SCHIP1: variants seen among roughly 807,000 people sequenced by gnomAD.
The protein encoded by SCHIP1 is schwannomin-interacting protein 1.
A neutral mutation model predicts 29.7 loss-of-function variants in SCHIP1; 8 were observed. The ratio of observed to expected loss-of-function variants is 0.27; its 90% CI spans 0.16 to 0.49. SCHIP1 has a LOEUF of 0.49. Ranked by LOEUF, SCHIP1 falls within the 20% of genes least tolerant of loss-of-function variation. The pLI is 0.99. For synonymous variants in SCHIP1, 76 were observed against 94.9 expected, an observed-to-expected ratio of 0.80 and a Z score of 1.16; for missense variants, 193 against 294.6, an observed-to-expected ratio of 0.66 and a Z score of 2.52.
intron 2 of SCHIP1, among the ~76,000 whole-genome samples, chr3:159,883,138 A>G (rs778963344): frequency 6.6e-6 from 1 of 152,218 alleles, no homozygotes; most frequent in Non-Finnish European, 1.5e-5. Flanking sequence ...TCGACAGGCA[A>G]GGCTGACTTC....
chr3:159,799,602 G>A, the SCHIP1 span, among the ~76,000 whole-genome samples: 2 of 152,218 alleles, frequency 1.3e-5, no homozygotes, highest in Non-Finnish European at 2.9e-5. Context: ...GGGAATATGT[G>A]TAAGTGTGAT....
chr3:159,708,224 C>A, the SCHIP1 span, among the ~76,000 whole-genome samples: 1 of 152,144 alleles, frequency 6.6e-6, no homozygotes, highest in Non-Finnish European at 1.5e-5. Flanking sequence ...AACACAAAAC[C>A]TACACACTCA....
At chr3:159,495,784 C>G in the SCHIP1 span, among the ~76,000 whole-genome samples, 13 of 152,222 alleles carry the variant, frequency 8.5e-5, no homozygotes, top group East Asian at 1.2e-3. Flanking sequence ...AACCAAAAAA[C>G]AGCCCGCATC....
At chr3:159,680,713 A>AATATACATATATT in the SCHIP1 span, among the ~76,000 whole-genome samples, 512 of 79,694 alleles carry the variant, frequency 6.4e-3, 46 homozygotes, top group Middle Eastern at 0.011. Context: ...TATTATATAT[A>AATATACATATATT]ATATATGTAT....
the SCHIP1 span, among the ~76,000 whole-genome samples, chr3:159,516,698 C>T: frequency 2.0e-5 from 3 of 152,110 alleles, no homozygotes; most frequent in African/African-American, 7.2e-5. Flanking sequence ...TACAGTCTGA[C>T]ACGAATCTTT....
chr3:159,865,918 T>C (rs1345437987), intron 1 of SCHIP1, among the ~76,000 whole-genome samples: 2 of 152,146 alleles, frequency 1.3e-5, no homozygotes, highest in Non-Finnish European at 2.9e-5. Context: ...CTCGTGAAAA[T>C]CATTTAGCAC....
chr3:159,820,961 G>C, the SCHIP1 span, among the ~76,000 whole-genome samples: 1,014 of 152,334 alleles, frequency 6.7e-3, 15 homozygotes, highest in African/African-American at 0.023. Flanking sequence ...ACATGTGGCT[G>C]TTGAGCACTT....
chr3:159,701,514 A>G, the SCHIP1 span, among the ~76,000 whole-genome samples: 1 of 152,304 alleles, frequency 6.6e-6, no homozygotes, highest in Non-Finnish European at 1.5e-5. Flanking sequence ...GATGATCTTG[A>G]TTCTTTAATA....
At chr3:159,506,226 A>G in the SCHIP1 span, among the ~76,000 whole-genome samples, 1 of 152,156 alleles carries the variant, frequency 6.6e-6, no homozygotes, top group African/African-American at 2.4e-5. Flanking sequence ...GCCAGTGATG[A>G]TGAGCATTTT....
At chr3:159,685,878 A>G in the SCHIP1 span, among the ~76,000 whole-genome samples, 1 of 152,248 alleles carries the variant, frequency 6.6e-6, no homozygotes, top group Non-Finnish European at 1.5e-5. Context: ...TAAAACATCA[A>G]TATGCCAAAA....
At chr3:159,652,573 CAAGACAA>C in the SCHIP1 span, among the ~76,000 whole-genome samples, 248 of 152,114 alleles carry the variant, frequency 1.6e-3, 6 homozygotes, top group South Asian at 0.051. Context: ...GATATGTAAA[CAAGACAA>C]TTACAGCCAA....
chr3:159,565,983 A>G, the SCHIP1 span, among the ~76,000 whole-genome samples: 2 of 152,218 alleles, frequency 1.3e-5, no homozygotes, highest in Non-Finnish European at 2.9e-5. Flanking sequence ...TTTGCATTCA[A>G]TTTGGCTTGA....
At chr3:159,785,319 A>G in the SCHIP1 span, among the ~76,000 whole-genome samples, 1 of 152,250 alleles carries the variant, frequency 6.6e-6, no homozygotes, top group Non-Finnish European at 1.5e-5. Flanking sequence ...ATGCCATATC[A>G]GAACAGTTGT....
the SCHIP1 span, among the ~76,000 whole-genome samples, chr3:159,625,600 T>C: frequency 2.0e-5 from 3 of 152,284 alleles, no homozygotes; most frequent in African/African-American, 7.2e-5. Flanking sequence ...TTCACGTTAG[T>C]AGTTTGCAAT....
the SCHIP1 span, among the ~76,000 whole-genome samples, chr3:159,514,502 C>A: frequency 6.6e-6 from 1 of 152,196 alleles, no homozygotes; most frequent in Non-Finnish European, 1.5e-5. Context: ...ACCCGACTGT[C>A]CTACCATATT....
the SCHIP1 span, among the ~76,000 whole-genome samples, chr3:159,288,108 A>G: frequency 6.6e-6 from 1 of 152,136 alleles, no homozygotes; most frequent in East Asian, 1.9e-4. Context: ...TACATGAAGT[A>G]AAATTGTAGA....
At chr3:159,361,874 T>C in the SCHIP1 span, among the ~76,000 whole-genome samples, 1 of 152,280 alleles carries the variant, frequency 6.6e-6, no homozygotes, top group African/African-American at 2.4e-5. Context: ...TCCCATCAAA[T>C]GAAATAGAAA....
the SCHIP1 span, among the ~76,000 whole-genome samples, chr3:159,428,963 G>T: frequency 3.3e-5 from 5 of 150,452 alleles, no homozygotes; most frequent in South Asian, 2.1e-4. Flanking sequence ...GCCAAACACC[G>T]CATGTTCTCA....
the SCHIP1 span, among the ~76,000 whole-genome samples, chr3:159,761,528 T>A: frequency 6.6e-6 from 1 of 152,184 alleles, no homozygotes; most frequent in South Asian, 2.1e-4. Context: ...GCTGGACATA[T>A]CTGCAGGCTG....
Sources: gnomAD v4.1 joint callset for allele counts (sites outside exome capture counted in the v4.1 genomes callset) on GRCh38, gnomAD v4.1.1 for gene constraint, MANE v1.5 for transcripts, NCBI Gene and HGNC (gene_info 2026-07-23, HGNC 2026-07-21) for gene names.